The following TCERG1 variants were observed in gnomAD, a reference collection of about 807,000 sequenced individuals.
TCERG1 encodes the protein TATA box binding protein (TBP)-associated factor, RNA polymerase II, S, 150kD.
TCERG1 carries 37 observed loss-of-function variants against 144.7 expected under a neutral mutation model. That is an observed-to-expected ratio of 0.26 (90% CI 0.20 to 0.34). The LOEUF (loss-of-function observed/expected upper bound fraction) is 0.34. TCERG1 is among the 10% of genes least tolerant of loss of function. TCERG1 has a pLI of 1.00. For missense variants in TCERG1, 1,027 were observed against 1,380.7 expected, an observed-to-expected ratio of 0.74 and a Z score of 4.06; for synonymous variants, 492 against 458.2, an observed-to-expected ratio of 1.07 and a Z score of -0.94.
chr5:146,469,560 G>A lies in TCERG1; in HGVS notation c.1215G>A (p.Met405Ile). 1 of 1,602,340 alleles carries A rather than the reference G, an allele frequency of 6.2e-7. No individual in the cohort carries two copies. ...ATTKTGVLPG[M>I]APPIVPMIHP... The stretch of plus-strand genomic sequence containing the variant: ...TTTTTTTAGGTGTATTGCCAGGAAT[G>A]GCCCCTCCTATCGTACCCATGATAC... The change falls in exon 7 of 23, where the codon ATG becomes ATA. Residue 405 changes from methionine (M) to isoleucine (I), a missense_variant. Transcript: ENST00000679501.
At chr5:146,450,555 C>T (rs777960984) in intron 1 of TCERG1, among the ~76,000 whole-genome samples, 7 of 152,150 alleles carry the variant, frequency 4.6e-5, no homozygotes, top group African/African-American at 1.7e-4. Flanking sequence ...TAGCTAATAA[C>T]TTAGATAGCA....
intron 16 of TCERG1, among the ~76,000 whole-genome samples, chr5:146,496,877 T>G (rs867583695): frequency 1.6e-3 from 240 of 145,476 alleles, no homozygotes; most frequent in African/African-American, 5.9e-3. Context: ...GTGTTTTTTT[T>G]TTTTTTTTTT....
intron 5 of TCERG1, among the ~76,000 whole-genome samples, chr5:146,466,118 T>C (rs1372276394): frequency 6.6e-6 from 1 of 152,204 alleles, no homozygotes; most frequent in Non-Finnish European, 1.5e-5. Context: ...ATTTTCCCTT[T>C]TAACTCAGTC....
chr5:146,457,081 A>G lies in TCERG1; in HGVS notation c.286-102A>G, dbSNP rs1762891037. The G allele has an allele frequency of 6.2e-6, 9 of 1,458,126 alleles. No homozygotes were observed. The East Asian group carries it at 2.1e-4, about 34-fold the overall frequency. 90.3% of individuals were successfully genotyped at this position (1,458,126 alleles called of 1,614,324 possible). A position where few individuals can be genotyped will look rare whatever the true frequency, so the allele number is the denominator to read the frequency against. On this transcript the variant is annotated intron_variant, in intron 2 of 22. Transcript: ENST00000679501. Reference sequence around the variant, plus strand: ...AGGTGAATGTGTTTGAATAGACTATAAAACTAGTTTCTCTTACAGTGTTTT... The same window carrying G: ...AGGTGAATGTGTTTGAATAGACTATGAAACTAGTTTCTCTTACAGTGTTTT...
At chr5:146,470,541 C>G in intron 7 of TCERG1, 95 bp from the exon 8 acceptor site, 1 of 982,424 alleles carries the variant, frequency 1.0e-6, no homozygotes, top group Non-Finnish European at 1.5e-6. Flanking sequence ...ATGGTTAATA[C>G]TTGGGAATGG....
intron 6 of TCERG1, among the ~76,000 whole-genome samples, chr5:146,468,840 T>C (rs1266906548): frequency 2.0e-5 from 3 of 152,254 alleles, no homozygotes; most frequent in African/African-American, 7.2e-5. Context: ...TGAAGTAAGA[T>C]AACTACCTGA....
rs772318701 is a variant in TCERG1, at chr5:146,498,639, G to A, written c.2386G>A (p.Ala796Thr). The A allele has an allele frequency of 5.0e-6, 8 of 1,610,450 alleles. No individual in the cohort carries two copies. Among genetic ancestry groups the A allele is most frequent in the Non-Finnish European group, 5.9e-6 (7 of 1,178,342 alleles). ...AGCCTTGTTTAATGAGTTTGTGGCC[G>A]CTGCTAGGAAGAAAGAGAAAGAAGA... Reference protein sequence around the residue: ...REALFNEFVAAARKKEKEDSK... With the variant: ...REALFNEFVATARKKEKEDSK... Residue 796 changes from alanine (A) to threonine (T), a missense_variant, in exon 17 of 23, where the codon GCT becomes ACT. This residue lies in a region of TCERG1 where 482 missense variants were observed against 632.6 expected (regional missense o/e 0.76). Coordinates refer to ENST00000679501, the MANE Select transcript of TCERG1 (RefSeq NM_001382548.1).
intron 8 of TCERG1, 52 bp from the exon 9 acceptor site, chr5:146,471,436 C>A: frequency 6.7e-7 from 1 of 1,499,490 alleles, no homozygotes; most frequent in Non-Finnish European, 9.1e-7. Context: ...TTTTGTGGAA[C>A]ATTCAGGTAT....
Position 146,463,809 on chromosome 5 carries a change from A to G in TCERG1, c.1135+16A>G, listed in dbSNP as rs774376759. Reference sequence around the variant, plus strand: ...CCACTTCCAGGTAAACCAACAGATTATAATGGTCTTTCCAGCTATGTTTTC... The same window carrying G: ...CCACTTCCAGGTAAACCAACAGATTGTAATGGTCTTTCCAGCTATGTTTTC... On this transcript the variant is annotated intron_variant, in intron 5 of 22. Coordinates refer to ENST00000679501, the MANE Select transcript of TCERG1 (RefSeq NM_001382548.1). The G allele has an allele frequency of 6.2e-6, 10 of 1,614,068 alleles. No individual in the cohort carries two copies. The highest frequency in any genetic ancestry group is 1.6e-4 in the Middle Eastern group (1 of 6,062).
Position 146,509,394 on chromosome 5 carries a change from C to T in TCERG1, c.3146+149C>T, listed in dbSNP as rs1317385207. The T allele has an allele frequency of 8.3e-6, 4 of 481,412 alleles. No individual in the cohort carries two copies. The East Asian group carries it at 1.5e-4, about 18-fold the overall frequency. 29.8% of individuals were successfully genotyped at this position (481,412 alleles called of 1,614,324 possible). A position where few individuals can be genotyped will look rare whatever the true frequency, so the allele number is the denominator to read the frequency against. ...ACCAACTTCTGTCCAAAGTCAAATACAGCCCATATCTACCATACTTTTTTT... is the reference window on the plus strand; with the variant it reads ...ACCAACTTCTGTCCAAAGTCAAATATAGCCCATATCTACCATACTTTTTTT... On this transcript the variant is annotated intron_variant, in intron 22 of 22. Transcript: ENST00000679501.
chr5:146,500,667 G>A (rs896193418), intron 17 of TCERG1, among the ~76,000 whole-genome samples: 3 of 152,152 alleles, frequency 2.0e-5, no homozygotes, highest in Non-Finnish European at 4.4e-5. Context: ...CACAGTAAGA[G>A]CATCATTTTC....
At chr5:146,480,805 G>A (rs1765290364) in intron 12 of TCERG1, among the ~76,000 whole-genome samples, 1 of 151,942 alleles carries the variant, frequency 6.6e-6, no homozygotes, top group East Asian at 1.9e-4. Flanking sequence ...CCTATAAAGG[G>A]TAGTTCTTTT....
At position 146,509,140 on chromosome 5, in the gene TCERG1, A is replaced by G. The variant is rs747377951; in HGVS notation, c.3046-5A>G. On this transcript the variant is annotated splice_polypyrimidine_tract_variant and splice_region_variant and intron_variant, in intron 21 of 22. Coordinates refer to ENST00000679501, the MANE Select transcript of TCERG1 (RefSeq NM_001382548.1). ...TAATCTCAACTTTTTTTTTTTTATT[A>G]ACAGAAAAAACAAAGAGAATTTGAA... 6 of 1,517,672 alleles carry G rather than the reference A, an allele frequency of 4.0e-6. No homozygotes were observed. In the East Asian group the frequency reaches 9.1e-5, roughly 23 times the overall value. 94.0% of individuals were successfully genotyped at this position (1,517,672 alleles called of 1,614,324 possible). A position where few individuals can be genotyped will look rare whatever the true frequency, so the allele number is the denominator to read the frequency against.
chr5:146,458,909 G>A lies in TCERG1; in HGVS notation c.464G>A (p.Arg155His), dbSNP rs1212198114. The change falls in exon 4 of 23, where the codon CGT becomes CAT. Residue 155 changes from arginine to histidine, a missense_variant. This residue lies in a region of TCERG1 where 48 missense variants were observed against 80.9 expected (regional missense o/e 0.59). Coordinates refer to ENST00000679501, the MANE Select transcript of TCERG1 (RefSeq NM_001382548.1). ...GTTTATTATTATAATGCTCGGACAC[G>A]TGAATCTGCATGGACCAAGCCAGAT... ...GKVYYYNART[R>H]ESAWTKPDGV... 2 of 1,611,696 alleles carry A rather than the reference G, an allele frequency of 1.2e-6. No individual in the cohort carries two copies. The highest frequency in any genetic ancestry group is 8.5e-7 in the Non-Finnish European group (1 of 1,178,456).
Position 146,463,600 on chromosome 5 carries a change from G to A in TCERG1, c.942G>A (p.Thr314=), listed in dbSNP as rs768740696. The change falls in exon 5 of 23, where the codon ACG becomes ACA. Residue 314 remains threonine (T), a synonymous_variant. Coordinates refer to ENST00000679501, the MANE Select transcript of TCERG1 (RefSeq NM_001382548.1). The part of the protein sequence containing the change: ...QTPSSAVSVA[T]PTVSVSTPAP... ...CAAGTTCTGCTGTTTCAGTTGCCAC[G>A]CCTACAGTTAGTGTTTCAACTCCTG... 12 of 1,613,976 alleles carry A rather than the reference G, an allele frequency of 7.4e-6. No homozygotes were observed. In the Admixed American group the frequency reaches 1.2e-4, roughly 16 times the overall value.
chr5:146,448,608 T>G (rs948712168), intron 1 of TCERG1, among the ~76,000 whole-genome samples: 1 of 152,224 alleles, frequency 6.6e-6, no homozygotes, highest in Admixed American at 6.5e-5. Context: ...GATGAAATTG[T>G]GTAAGGAAAT....
chr5:146,463,931 T>C (rs1763555113), intron 5 of TCERG1, 138 bp downstream of exon 5: 6 of 1,217,430 alleles, frequency 4.9e-6, no homozygotes, highest in Non-Finnish European at 6.9e-6. Context: ...CATGGCTAAC[T>C]GCAATATTTT....
chr5:146,458,961 A>G lies in TCERG1; in HGVS notation c.516A>G (p.Glu172=). 4 of 1,614,232 alleles carry G rather than the reference A, an allele frequency of 2.5e-6. No individual in the cohort carries two copies. In the South Asian group the frequency reaches 3.3e-5, roughly 13 times the overall value. ...GAGTTAAGGTTATTCAGCAATCAGA[A>G]CTGACACCTATGCTTGCAGCCCAGG... ...PDGVKVIQQS[E]LTPMLAAQAQ... The change falls in exon 4 of 23, where the codon GAA becomes GAG. Residue 172 remains glutamate, a synonymous_variant. Coordinates refer to ENST00000679501, the MANE Select transcript of TCERG1 (RefSeq NM_001382548.1).
At chr5:146,467,465 G>C (rs10080112) in intron 5 of TCERG1, among the ~76,000 whole-genome samples, 40,299 of 151,808 alleles carry the variant, frequency 0.27, 6,479 homozygotes, top group East Asian at 0.83. Flanking sequence ...TCTTAGTTTT[G>C]CAGCTTTTCT....
Sources: gnomAD v4.1 joint callset for allele counts (sites outside exome capture counted in the v4.1 genomes callset) on GRCh38, gnomAD v4.1.1 for gene constraint, gnomAD v4.1.1 regional missense constraint, MANE v1.5 for transcripts, NCBI Gene and HGNC (gene_info 2026-07-23, HGNC 2026-07-21) for gene names.